EHF: variants seen among roughly 807,000 people sequenced by gnomAD.
EHF encodes ETS homologous factor.
Under a neutral mutation model 45.1 loss-of-function variants are expected in EHF, and 14 were observed. The observed-to-expected ratio is 0.31, with a 90% confidence interval of 0.21 to 0.49. The LOEUF is 0.49. EHF is among the 20% of genes least tolerant of loss of function. The pLI is 0.99. For synonymous variants in EHF, 136 were observed against 131.8 expected, an observed-to-expected ratio of 1.03 and a Z score of -0.22; for missense variants, 282 against 371.4, an observed-to-expected ratio of 0.76 and a Z score of 1.98.
At chr11:34,626,530 A>C (rs916071551) in intron 1 of EHF, among the ~76,000 whole-genome samples, 10 of 152,336 alleles carry the variant, frequency 6.6e-5, no homozygotes, top group African/African-American at 2.2e-4. Context: ...GCCTCATTTC[A>C]TCTAGTCATG....
chr11:34,621,751 C>T (rs1852000555), intron 1 of EHF, among the ~76,000 whole-genome samples: 2 of 152,192 alleles, frequency 1.3e-5, no homozygotes, highest in African/African-American at 4.8e-5. Flanking sequence ...TAGGCAAGAA[C>T]ATACACAATC....
chr11:34,643,235 T>C (rs1854198240), intron 2 of EHF, among the ~76,000 whole-genome samples: 2 of 152,276 alleles, frequency 1.3e-5, no homozygotes, highest in South Asian at 4.2e-4. Flanking sequence ...AGCTTTAATC[T>C]AGAACACGTC....
At chr11:34,657,100 G>C (rs1386843569) in intron 7 of EHF, 130 bp downstream of exon 7, 2 of 1,120,202 alleles carry the variant, frequency 1.8e-6, no homozygotes, top group South Asian at 3.0e-5. Flanking sequence ...ACAGGGTGGA[G>C]TGAGAAAATA....
At position 34,661,184 on chromosome 11, in the gene EHF, A is replaced by C. The variant is rs779627010; in HGVS notation, c.*2253A>C. 1 of 152,128 alleles carries C rather than the reference A, an allele frequency of 6.6e-6. No homozygotes were observed. Among genetic ancestry groups the C allele is most frequent in the Non-Finnish European group, 1.5e-5 (1 of 67,992 alleles). 9.4% of individuals were successfully genotyped at this position (152,128 alleles called of 1,614,324 possible). A position where few individuals can be genotyped will look rare whatever the true frequency, so the allele number is the denominator to read the frequency against. On this transcript the variant is annotated 3_prime_UTR_variant, in exon 9 of 9. Coordinates refer to ENST00000257831, the MANE Select transcript of EHF (RefSeq NM_012153.6). ...CAGCATTTGACTGTTCATTGCATAGAATGAATTAAATATCCAGTTACTTGA... is the reference window on the plus strand; with the variant it reads ...CAGCATTTGACTGTTCATTGCATAGCATGAATTAAATATCCAGTTACTTGA...
chr11:34,649,450 G>A (rs1171003542), intron 4 of EHF, among the ~76,000 whole-genome samples: 2 of 152,168 alleles, frequency 1.3e-5, no homozygotes, highest in Non-Finnish European at 2.9e-5. Context: ...AAGGGGCAAT[G>A]TCTCCTCTTC....
At chr11:34,646,335 G>T in intron 2 of EHF, 104 bp from the exon 3 acceptor site, 2 of 1,549,250 alleles carry the variant, frequency 1.3e-6, no homozygotes, top group Non-Finnish European at 1.8e-6. Flanking sequence ...ACGGACTGTG[G>T]TTGTGTCTCT....
rs189237306 is a variant in EHF at position 34,659,737 on chromosome 11, A to T, written c.*806A>T. ...CAAGTGCTTAAAAATAAGTTGGAAA[A>T]AGGAGACGGTGGTGTGGAAATGGCT... is the stretch of plus-strand genomic sequence containing the variant. On this transcript the variant is annotated 3_prime_UTR_variant, in exon 9 of 9. Transcript: ENST00000257831. 2 of 152,148 alleles carry T rather than the reference A, an allele frequency of 1.3e-5. No homozygotes were observed. The highest frequency in any genetic ancestry group is 2.9e-5 in the Non-Finnish European group (2 of 68,026). The allele number at this position is 152,148 out of a possible 1,614,324, so 9.4% of individuals were successfully genotyped here. A position where few individuals can be genotyped will look rare whatever the true frequency, so the allele number is the denominator to read the frequency against.
chr11:34,661,729 T>C lies in EHF; in HGVS notation c.*2798T>C, dbSNP rs905662770. Among the ~76,000 whole-genome samples, 3 of 152,170 alleles carry C rather than the reference T, an allele frequency of 2.0e-5. No individual in the cohort carries two copies. The highest frequency in any genetic ancestry group is 7.2e-5 in the African/African-American group (3 of 41,464). ...GAAAGGGAGAGCAAAGTCTTATGGA[T>C]AAACCCTCCTTTCTTTTGGGGACAC... On this transcript the variant is annotated 3_prime_UTR_variant, in exon 9 of 9. Coordinates refer to ENST00000257831, the MANE Select transcript of EHF (RefSeq NM_012153.6).
At chr11:34,628,228 A>G (rs1047610848) in intron 1 of EHF, among the ~76,000 whole-genome samples, 2 of 152,088 alleles carry the variant, frequency 1.3e-5, no homozygotes, top group African/African-American at 4.8e-5. Flanking sequence ...ACAGAGTGAG[A>G]CTCTGTCTCA....
intron 6 of EHF, among the ~76,000 whole-genome samples, chr11:34,652,168 A>G: frequency 6.6e-6 from 1 of 152,222 alleles, no homozygotes; most frequent in East Asian, 1.9e-4. Context: ...TTTTCAACAA[A>G]CTACATTTGG....
intron 1 of EHF, among the ~76,000 whole-genome samples, chr11:34,640,642 A>G (rs556128715): frequency 6.6e-6 from 1 of 152,358 alleles, no homozygotes; most frequent in East Asian, 1.9e-4. Flanking sequence ...CAATTGCTCT[A>G]CAAAGTTGGA....
chr11:34,655,015 C>T (rs926355559), intron 6 of EHF, among the ~76,000 whole-genome samples: 4 of 152,102 alleles, frequency 2.6e-5, no homozygotes, highest in African/African-American at 7.2e-5. Flanking sequence ...ACTTGGAAAC[C>T]GGGGTGGATG....
At chr11:34,622,537 C>A (rs762110093) in intron 1 of EHF, 2 of 382,456 alleles carry the variant, frequency 5.2e-6, no homozygotes, top group Non-Finnish European at 8.5e-6. Context: ...GAAGAAGATA[C>A]GTTATTAGGA....
rs190960351 is a variant in EHF, at chr11:34,640,135, C to T, written c.-3-2493C>T. On this transcript the variant is annotated intron_variant, in intron 1 of 8. Coordinates refer to ENST00000257831, the MANE Select transcript of EHF (RefSeq NM_012153.6). ...TTTATCAGGTACAGAAAGTGAGGAACAGAATGTTTGCGGCTAGACAGATTT... is the reference window on the plus strand; with the variant it reads ...TTTATCAGGTACAGAAAGTGAGGAATAGAATGTTTGCGGCTAGACAGATTT... 3.3e-4 allele frequency among the ~76,000 whole-genome samples: 50 copies of T among 151,726 alleles called. 1 individual carries two copies. The highest frequency in any genetic ancestry group is 2.0e-3 in the Admixed American group (31 of 15,226).
In EHF at chr11:34,628,262, A is replaced by C. The variant is rs181867957; in HGVS notation, c.-4+7034A>C. ...CAAAAAAATTAAAAAATAAAAAAAAACTCTGTAATTACTTTTGCACCAACA... is the reference window on the plus strand; with the variant it reads ...CAAAAAAATTAAAAAATAAAAAAAACCTCTGTAATTACTTTTGCACCAACA... On this transcript the variant is annotated intron_variant, in intron 1 of 8. Coordinates refer to ENST00000257831, the MANE Select transcript of EHF (RefSeq NM_012153.6). 2.6e-3 allele frequency among the ~76,000 whole-genome samples: 400 copies of C among 152,084 alleles called. 2 individuals are homozygous for C. Among genetic ancestry groups the C allele is most frequent in the African/African-American group, 8.7e-3 (362 of 41,492 alleles).
intron 1 of EHF, among the ~76,000 whole-genome samples, chr11:34,628,109 A>C (rs1852534223): frequency 1.3e-5 from 2 of 152,180 alleles, no homozygotes; most frequent in African/African-American, 4.8e-5. Flanking sequence ...GTGGTAGCAC[A>C]CACCTGTAAT....
chr11:34,634,636 T>TA (rs1311960579), intron 1 of EHF, among the ~76,000 whole-genome samples: 1 of 152,130 alleles, frequency 6.6e-6, no homozygotes, highest in Non-Finnish European at 1.5e-5. Context: ...CTGATTCAGG[T>TA]AAAGCATAAA....
intron 2 of EHF, among the ~76,000 whole-genome samples, chr11:34,644,901 C>T (rs956208704): frequency 2.2e-4 from 33 of 152,320 alleles, no homozygotes; most frequent in African/African-American, 7.5e-4. Flanking sequence ...TTCACGATCA[C>T]GTTTGAGAAG....
In EHF at chr11:34,662,431, CTG is replaced by C. The variant is rs1856142073; in HGVS notation, c.*3503_*3504del. 6.6e-6 allele frequency among the ~76,000 whole-genome samples: 1 copy of C among 152,008 alleles called. No homozygotes were observed. Among genetic ancestry groups the C allele is most frequent in the Admixed American group, 6.6e-5 (1 of 15,220 alleles). ...GAGGATTCTGTTGCCTTATTGGGAA[CTG>C]TGAGACTTATCTGGTATGAGAAGCC... On this transcript the variant is annotated 3_prime_UTR_variant, in exon 9 of 9. Coordinates refer to ENST00000257831, the MANE Select transcript of EHF (RefSeq NM_012153.6).
Sources: gnomAD v4.1 joint callset for allele counts (sites outside exome capture counted in the v4.1 genomes callset) on GRCh38, gnomAD v4.1.1 for gene constraint, MANE v1.5 for transcripts, NCBI Gene and HGNC (gene_info 2026-07-23, HGNC 2026-07-21) for gene names.